Variants in CTNNA2 observed in about 807,000 individuals in gnomAD.
The protein encoded by CTNNA2 is catenin alpha 2.
In CTNNA2, 42 loss-of-function variants were observed where a neutral mutation model predicts 101.0. That is an observed-to-expected ratio of 0.42 (90% CI 0.32 to 0.54). The LOEUF is 0.54. CTNNA2 is among the 20% of genes least tolerant of loss of function. The probability of loss-of-function intolerance (pLI) is 0.14; values close to 1 mark genes in which losing one functional copy is unlikely to be tolerated. For synonymous variants in CTNNA2, 450 were observed against 456.4 expected (o/e 0.99, Z 0.18); for missense variants, 871 against 1,223.1 (o/e 0.71, Z 4.29).
intron 2 of CTNNA2, among the ~76,000 whole-genome samples, chr2:79,294,661 C>G (rs907742921): frequency 2.0e-5 from 3 of 152,084 alleles, no homozygotes; most frequent in Non-Finnish European, 4.4e-5. Flanking sequence ...GGAATAAACT[C>G]AGTAACTTAT....
At chr2:79,945,017 T>C (rs1053814703) in intron 7 of CTNNA2, among the ~76,000 whole-genome samples, 11 of 152,116 alleles carry the variant, frequency 7.2e-5, no homozygotes, top group South Asian at 2.1e-4. Context: ...TAAATAAGTT[T>C]ATTGTTTGGT....
At chr2:79,282,642 T>C (rs1339139363) in intron 2 of CTNNA2, among the ~76,000 whole-genome samples, 96 of 143,426 alleles carry the variant, frequency 6.7e-4, no homozygotes, top group African/African-American at 2.2e-3. Flanking sequence ...CACATTTTCT[T>C]AATCCAGTCT....
At chr2:79,620,237 C>G (rs2104281152) in intron 1 of CTNNA2, among the ~76,000 whole-genome samples, 1 of 152,294 alleles carries the variant, frequency 6.6e-6, no homozygotes, top group East Asian at 1.9e-4. Context: ...CACCAGCTCT[C>G]CAACTGCCCT....
intron 4 of CTNNA2, among the ~76,000 whole-genome samples, chr2:79,483,835 A>G (rs1253392765): frequency 2.6e-5 from 4 of 152,166 alleles, no homozygotes; most frequent in Non-Finnish European, 5.9e-5. Flanking sequence ...GGCTAATTCC[A>G]TATTTTTGCA....
chr2:80,431,654 A>G (rs901535651), intron 9 of CTNNA2, among the ~76,000 whole-genome samples: 2 of 152,178 alleles, frequency 1.3e-5, no homozygotes, highest in African/African-American at 4.8e-5. Flanking sequence ...TAAATCGTGA[A>G]CTGATCGGCA....
rs17018885 is a variant in CTNNA2 at position 80,247,375 on chromosome 2, T to C, written c.1057-145836T>C. Among the ~76,000 whole-genome samples, 789 of 152,282 alleles carry C rather than the reference T, an allele frequency of 5.2e-3. 17 individuals carry two copies. In the East Asian group the frequency reaches 0.088, roughly 17 times the overall value. On this transcript the variant is annotated intron_variant, in intron 7 of 18. Coordinates refer to ENST00000402739, the MANE Select transcript of CTNNA2 (RefSeq NM_001282597.3). ...TTTCCTGGCCTATGAAAGGAGAAGA[T>C]TGGAGCAATTAACCTCTCAGACATC...
At chr2:79,544,236 C>A (rs1019363894) in intron 1 of CTNNA2, among the ~76,000 whole-genome samples, 1 of 152,168 alleles carries the variant, frequency 6.6e-6, no homozygotes, top group Admixed American at 6.5e-5. Context: ...CCGCGCCCAG[C>A]TGGTTTGGGA....
At chr2:79,264,961 C>A (rs761638256) in intron 2 of CTNNA2, among the ~76,000 whole-genome samples, 40 of 152,152 alleles carry the variant, frequency 2.6e-4, no homozygotes, top group Non-Finnish European at 4.9e-4. Flanking sequence ...TCCTGCTTCC[C>A]TGGCCCATCT....
At chr2:79,546,035 T>C (rs930147139) in intron 1 of CTNNA2, among the ~76,000 whole-genome samples, 6 of 152,152 alleles carry the variant, frequency 3.9e-5, no homozygotes, top group African/African-American at 1.4e-4. Context: ...GCCCAGCTAG[T>C]TGGGGAAGAG....
intron 1 of CTNNA2, among the ~76,000 whole-genome samples, chr2:79,595,685 C>G (rs1677143073): frequency 6.6e-6 from 1 of 152,036 alleles, no homozygotes; most frequent in African/African-American, 2.4e-5. Context: ...GCTACGCTAC[C>G]TTAATTTAGA....
chr2:79,615,565 A>G (rs1678563104), intron 1 of CTNNA2, among the ~76,000 whole-genome samples: 1 of 152,168 alleles, frequency 6.6e-6, no homozygotes, highest in Admixed American at 6.5e-5. Context: ...TATATTCCTG[A>G]TAGGAGGGAA....
chr2:79,965,089 C>G (rs1047569404), intron 7 of CTNNA2, among the ~76,000 whole-genome samples: 3 of 152,206 alleles, frequency 2.0e-5, no homozygotes, highest in African/African-American at 7.2e-5. Flanking sequence ...GAATTTTTCT[C>G]TCTGTTCAAG....
At chr2:80,228,776 G>A (rs567587830) in intron 7 of CTNNA2, among the ~76,000 whole-genome samples, 1 of 152,300 alleles carries the variant, frequency 6.6e-6, no homozygotes, top group African/African-American at 2.4e-5. Flanking sequence ...GGTAAAGCTG[G>A]TTGTAGGAGA....
At chr2:79,645,297 T>A (rs557501958) in intron 1 of CTNNA2, among the ~76,000 whole-genome samples, 1 of 152,170 alleles carries the variant, frequency 6.6e-6, no homozygotes, top group Non-Finnish European at 1.5e-5. Context: ...GAGGTTCAAC[T>A]TTGATGACCA....
chr2:79,642,449 C>T (rs562767957), intron 1 of CTNNA2, among the ~76,000 whole-genome samples: 7 of 152,338 alleles, frequency 4.6e-5, no homozygotes, highest in African/African-American at 1.4e-4. Context: ...TGGATCCCCT[C>T]TCAGTTCACT....
chr2:79,669,423 T>C (rs1682666867), intron 2 of CTNNA2, among the ~76,000 whole-genome samples: 1 of 152,186 alleles, frequency 6.6e-6, no homozygotes, highest in Non-Finnish European at 1.5e-5. Flanking sequence ...GAAACCTCTG[T>C]GGCCAAAACA....
chr2:79,390,874 C>T (rs1267484215), intron 4 of CTNNA2, among the ~76,000 whole-genome samples: 1 of 152,132 alleles, frequency 6.6e-6, no homozygotes, highest in Non-Finnish European at 1.5e-5. Context: ...GGTGCTCAAC[C>T]ACTCTGCTCA....
intron 7 of CTNNA2, among the ~76,000 whole-genome samples, chr2:80,065,283 T>C (rs1193602836): frequency 6.6e-6 from 1 of 152,148 alleles, no homozygotes; most frequent in East Asian, 1.9e-4. Context: ...GTTCACTGCT[T>C]TTGGCAGAAG....
chr2:80,220,474 C>T (rs1162507477), intron 7 of CTNNA2, among the ~76,000 whole-genome samples: 4 of 152,180 alleles, frequency 2.6e-5, no homozygotes, highest in African/African-American at 9.7e-5. Context: ...GTAATCCTAG[C>T]ACTTTGGGAG....
Sources: gnomAD v4.1 joint callset for allele counts (sites outside exome capture counted in the v4.1 genomes callset) on GRCh38, gnomAD v4.1.1 for gene constraint, MANE v1.5 for transcripts, NCBI Gene and HGNC (gene_info 2026-07-23, HGNC 2026-07-21) for gene names.